The following LMBR1 variants were observed in gnomAD, a reference collection of about 807,000 sequenced individuals.
The protein encoded by LMBR1 is limb region 1 protein homolog.
In LMBR1, 52 loss-of-function variants were observed where a neutral mutation model predicts 73.9. The ratio of observed to expected loss-of-function variants is 0.70; its 90% CI spans 0.56 to 0.89. The LOEUF (loss-of-function observed/expected upper bound fraction) is 0.89, where lower values mean the gene tolerates loss of function less well. Ranked by LOEUF, LMBR1 falls within the 40% of genes least tolerant of loss-of-function variation. The pLI is 0.00. For synonymous variants in LMBR1, 215 were observed against 209.4 expected, an observed-to-expected ratio of 1.03 and a Z score of -0.23; for missense variants, 539 against 579.8, an observed-to-expected ratio of 0.93 and a Z score of 0.72.
Position 156,678,866 on chromosome 7 carries a change from G to C in LMBR1, c.*5212C>G, listed in dbSNP as rs1157094945. Reference sequence around the variant, plus strand: ...TAGGAGCCTACCATTCCATGGGCGGGGGGAATCATTAAATCACTATCAAGT... The same window carrying C: ...TAGGAGCCTACCATTCCATGGGCGGCGGGAATCATTAAATCACTATCAAGT... On this transcript the variant is annotated 3_prime_UTR_variant, in exon 17 of 17. Transcript: ENST00000353442. 1.3e-5 allele frequency: 2 copies of C among 152,128 alleles called. No individual in the cohort carries two copies. The highest frequency in any genetic ancestry group is 1.9e-4 in the East Asian group (1 of 5,192). 9.4% of individuals were successfully genotyped at this position (152,128 alleles called of 1,614,324 possible). A position where few individuals can be genotyped will look rare whatever the true frequency, so the allele number is the denominator to read the frequency against.
At chr7:156,734,652 A>C (rs577520985) in intron 9 of LMBR1, among the ~76,000 whole-genome samples, 4 of 152,322 alleles carry the variant, frequency 2.6e-5, no homozygotes, top group African/African-American at 7.2e-5. Context: ...TAAGAATATT[A>C]AAAATAAATG....
intron 1 of LMBR1, among the ~76,000 whole-genome samples, chr7:156,887,617 T>G (rs1279375084): frequency 2.0e-5 from 3 of 152,056 alleles, no homozygotes; most frequent in Non-Finnish European, 4.4e-5. Context: ...GGTGATGAAT[T>G]CTTGGATATG....
At chr7:156,672,218 CTG>C (rs1023598571) in intron 4 of LMBR1, among the ~76,000 whole-genome samples, 55 of 152,340 alleles carry the variant, frequency 3.6e-4, no homozygotes, top group African/African-American at 1.3e-3. Context: ...ACTGACAAGT[CTG>C]TTTCTTTCAA....
At chr7:156,762,943 A>T (rs1365949738) in intron 7 of LMBR1, among the ~76,000 whole-genome samples, 165 bp downstream of exon 7, 1 of 152,106 alleles carries the variant, frequency 6.6e-6, no homozygotes, top group African/African-American at 2.4e-5. Context: ...GCATCTTATT[A>T]TTTCAAAGTT....
intron 1 of LMBR1, among the ~76,000 whole-genome samples, chr7:156,838,871 T>G (rs1034551262): frequency 6.6e-6 from 1 of 152,174 alleles, no homozygotes; most frequent in Non-Finnish European, 1.5e-5. Context: ...CACATCTTCA[T>G]CAACCCTTGT....
rs116691912 is a variant in LMBR1, at chr7:156,763,424, C to G, written c.550+245G>C. ...AAATGTCTCCACGGAATTTGAAGAA[C>G]AGAAACCAATTAACAAAAACAAAAA... On this transcript the variant is annotated intron_variant, in intron 6 of 16. Coordinates refer to ENST00000353442, the MANE Select transcript of LMBR1 (RefSeq NM_022458.4). 1.6e-3 allele frequency among the ~76,000 whole-genome samples: 189 copies of G among 115,258 alleles called. 2 individuals carry two copies. The highest frequency in any genetic ancestry group is 6.4e-3 in the African/African-American group (184 of 28,922). The allele number at this position is 115,258 out of a possible 152,430, so 75.6% of individuals were successfully genotyped here.
At chr7:156,731,822 G>C (rs1388744543) in intron 10 of LMBR1, among the ~76,000 whole-genome samples, 1 of 151,628 alleles carries the variant, frequency 6.6e-6, no homozygotes, top group African/African-American at 2.4e-5. Context: ...ATGCCCAGCA[G>C]GAATGCAAAC....
intron 1 of LMBR1, among the ~76,000 whole-genome samples, chr7:156,880,570 A>C (rs1397485684): frequency 6.6e-6 from 1 of 152,204 alleles, no homozygotes; most frequent in Admixed American, 6.5e-5. Context: ...CCCTATGTTC[A>C]TGGATTGGAA....
chr7:156,852,248 T>C lies in LMBR1; in HGVS notation c.67-15363A>G, dbSNP rs144218733. ...ACTCACTACTGTAGTGTAAATCCTATCAGAAAGCTAGTAGTTAAATCCTCA... is the reference window on the plus strand; with the variant it reads ...ACTCACTACTGTAGTGTAAATCCTACCAGAAAGCTAGTAGTTAAATCCTCA... On this transcript the variant is annotated intron_variant, in intron 1 of 16. Transcript: ENST00000353442. 3.2e-3 allele frequency among the ~76,000 whole-genome samples: 482 copies of C among 152,246 alleles called. 7 individuals carry two copies. The highest frequency in any genetic ancestry group is 0.011 in the African/African-American group (451 of 41,534).
intron 5 of LMBR1, among the ~76,000 whole-genome samples, chr7:156,789,958 T>C (rs1173243496): frequency 6.6e-6 from 1 of 151,120 alleles, no homozygotes; most frequent in African/African-American, 2.5e-5. Flanking sequence ...TTGGTAACTT[T>C]CTGTTTCCTC....
intron 9 of LMBR1, among the ~76,000 whole-genome samples, chr7:156,737,712 C>CTTTTTTTTTTTTTTTTT: frequency 6.6e-6 from 1 of 152,044 alleles, no homozygotes; most frequent in Non-Finnish European, 1.5e-5. Context: ...CTGAATATCC[C>CTTTTTTTTTTTTTTTTT]ATTTTTATGG....
chr7:156,832,543 A>G (rs953631145), intron 3 of LMBR1, among the ~76,000 whole-genome samples: 1 of 152,198 alleles, frequency 6.6e-6, no homozygotes, highest in Non-Finnish European at 1.5e-5. Context: ...GGAATTGCAC[A>G]CTATGTGGCC....
downstream of LMBR1, among the ~76,000 whole-genome samples, chr7:156,675,500 G>A (rs77979479): frequency 0.012 from 1,899 of 152,220 alleles, 31 homozygotes; most frequent in African/African-American, 0.043. Context: ...ATCAGATAGG[G>A]GTTCTTGTGG....
intron 15 of LMBR1, among the ~76,000 whole-genome samples, chr7:156,711,152 T>C (rs1340183593): frequency 9.9e-5 from 15 of 151,984 alleles, no homozygotes; most frequent in Admixed American, 9.8e-4. Context: ...CTACTAAAAA[T>C]ACAAAAAATT....
intron 5 of LMBR1, among the ~76,000 whole-genome samples, chr7:156,770,074 A>G (rs1824897891): frequency 6.6e-6 from 1 of 152,238 alleles, no homozygotes; most frequent in Non-Finnish European, 1.5e-5. Flanking sequence ...GAAAAATAAT[A>G]ACAAGGTTGA....
chr7:156,778,836 A>C (rs1014152984), intron 5 of LMBR1, among the ~76,000 whole-genome samples: 6 of 152,172 alleles, frequency 3.9e-5, no homozygotes, highest in African/African-American at 1.4e-4. Flanking sequence ...CACCACCATT[A>C]ATCACCAGCA....
intron 15 of LMBR1, among the ~76,000 whole-genome samples, chr7:156,718,108 T>C (rs965468721): frequency 6.6e-6 from 1 of 152,224 alleles, no homozygotes; most frequent in Admixed American, 6.5e-5. Context: ...TTATTAAGAA[T>C]ACTCAGCCTG....
At chr7:156,806,535 A>G (rs1185336734) in intron 4 of LMBR1, among the ~76,000 whole-genome samples, 1 of 149,424 alleles carries the variant, frequency 6.7e-6, no homozygotes, top group Non-Finnish European at 1.5e-5. Flanking sequence ...TCCTGATCTC[A>G]GGGGGAAAGC....
At chr7:156,855,410 C>T (rs1796802176) in intron 1 of LMBR1, among the ~76,000 whole-genome samples, 1 of 151,852 alleles carries the variant, frequency 6.6e-6, no homozygotes, top group African/African-American at 2.4e-5. Context: ...AGCAATTAGT[C>T]AATTAGAAGA....
Sources: allele counts gnomAD v4.1 joint callset (sites outside exome capture counted in the v4.1 genomes callset), GRCh38; gene constraint gnomAD v4.1.1; transcripts MANE v1.5; gene names NCBI Gene and HGNC (gene_info 2026-07-23, HGNC 2026-07-21).